The following IQCH variants were observed in gnomAD, a reference collection of about 807,000 sequenced individuals.
IQCH encodes IQ domain-containing protein H.
In IQCH, 98 loss-of-function variants were observed where a neutral mutation model predicts 117.0. The observed-to-expected ratio is 0.84, with a 90% CI of 0.71 to 0.99. The LOEUF (loss-of-function observed/expected upper bound fraction) is 0.99, where lower values mean the gene tolerates loss of function less well. Among genes scored for constraint, IQCH ranks in the 50% least tolerant of loss-of-function variants. The pLI is 0.00. For missense variants in IQCH, 1,102 were observed against 1,243.8 expected (o/e 0.89, Z 1.72); for synonymous variants, 412 against 448.2 (o/e 0.92, Z 1.02).
rs2083715402 is a variant in IQCH, at chr15:67,493,391, T to G, written c.2862-867T>G. On this transcript the variant is annotated intron_variant, in intron 19 of 20. Coordinates refer to ENST00000335894, the MANE Select transcript of IQCH (RefSeq NM_001031715.3). The surrounding 1 kb of genome is among the most constrained non-coding windows in gnomAD (Gnocchi z 5.1). ...CCACCTTATATAGGGAGCCCTATAATGCTACAGGATAGTTTGCAAGCTATC... is the reference window on the plus strand; with the variant it reads ...CCACCTTATATAGGGAGCCCTATAAGGCTACAGGATAGTTTGCAAGCTATC... 6.6e-6 allele frequency among the ~76,000 whole-genome samples: 1 copy of G among 152,192 alleles called. No individual in the cohort carries two copies. Among genetic ancestry groups the G allele is most frequent in the Non-Finnish European group, 1.5e-5 (1 of 68,024 alleles).
At chr15:67,335,120 G>A (rs895304101) in intron 4 of IQCH, among the ~76,000 whole-genome samples, 1 of 152,062 alleles carries the variant, frequency 6.6e-6, no homozygotes, top group African/African-American at 2.4e-5. Context: ...TTTCAGCATA[G>A]TTCTTCGGTC....
At chr15:67,392,080 C>T (rs945593491) in intron 12 of IQCH, among the ~76,000 whole-genome samples, 3 of 152,206 alleles carry the variant, frequency 2.0e-5, no homozygotes, top group African/African-American at 7.2e-5. Flanking sequence ...AATCCTGCCT[C>T]TGCTGTTTAC....
At chr15:67,409,878 T>A (rs1041125275) in intron 14 of IQCH, among the ~76,000 whole-genome samples, 7 of 152,260 alleles carry the variant, frequency 4.6e-5, no homozygotes, top group Non-Finnish European at 1.0e-4. Context: ...AGTTGGCATT[T>A]TTGATTTTTA....
Position 67,445,066 on chromosome 15 carries a change from A to G in IQCH, c.2506-20061A>G, listed in dbSNP as rs2082361352. 6.6e-6 allele frequency among the ~76,000 whole-genome samples: 1 copy of G among 152,178 alleles called. No individual in the cohort carries two copies. Among genetic ancestry groups the G allele is most frequent in the Non-Finnish European group, 1.5e-5 (1 of 68,034 alleles). On this transcript the variant is annotated intron_variant, in intron 16 of 20. Coordinates refer to ENST00000335894, the MANE Select transcript of IQCH (RefSeq NM_001031715.3). This position sits in a 1 kb window ranked among gnomAD's most constrained non-coding sequence, Gnocchi z 4.3. ...AATAATGAATTTGAATTATACTTGG[A>G]AAGTGGTGGCTTTGGTATGATTTTT...
intron 16 of IQCH, among the ~76,000 whole-genome samples, chr15:67,439,692 C>T (rs1051649952): frequency 2.0e-5 from 3 of 151,896 alleles, no homozygotes; most frequent in Non-Finnish European, 2.9e-5. Context: ...TTGAGACCAG[C>T]GTGACCAACA....
chr15:67,305,291 G>A (rs1381815432), intron 4 of IQCH, among the ~76,000 whole-genome samples: 1 of 151,944 alleles, frequency 6.6e-6, no homozygotes, highest in African/African-American at 2.4e-5. Flanking sequence ...TAGTCTCTTA[G>A]GTTAATCTTC....
intron 4 of IQCH, among the ~76,000 whole-genome samples, chr15:67,302,572 C>G (rs1967098273): frequency 6.6e-6 from 1 of 151,968 alleles, no homozygotes; most frequent in Non-Finnish European, 1.5e-5. Context: ...TTAAGAAATG[C>G]TATTGGTCGA....
intron 18 of IQCH, among the ~76,000 whole-genome samples, chr15:67,477,804 C>G (rs972681893): frequency 6.6e-6 from 1 of 152,176 alleles, no homozygotes. Flanking sequence ...CTGCCCTTCC[C>G]CCCACACAAA....
At chr15:67,396,955 G>GT (rs1971490881) in intron 13 of IQCH, among the ~76,000 whole-genome samples, 1 of 152,160 alleles carries the variant, frequency 6.6e-6, no homozygotes, top group Admixed American at 6.5e-5. Context: ...TCACAACCTA[G>GT]GACAGTCGCA....
intron 18 of IQCH, among the ~76,000 whole-genome samples, chr15:67,489,182 C>T (rs961919634): frequency 1.3e-4 from 20 of 148,156 alleles, no homozygotes; most frequent in Non-Finnish European, 2.5e-4. Flanking sequence ...TACAGGCGCC[C>T]GCCACCACAC....
At chr15:67,438,075 C>A (rs2082180665) in intron 16 of IQCH, among the ~76,000 whole-genome samples, 1 of 152,166 alleles carries the variant, frequency 6.6e-6, no homozygotes, top group African/African-American at 2.4e-5. Context: ...GCAAAAAGAT[C>A]TTTACCTAGG....
chr15:67,321,464 T>C lies in IQCH; in HGVS notation c.388-15511T>C, dbSNP rs548628422. On this transcript the variant is annotated intron_variant, in intron 4 of 20. Coordinates refer to ENST00000335894, the MANE Select transcript of IQCH (RefSeq NM_001031715.3). ...CTTTTCTTTCTTTCCTTCCTTTCCT[T>C]CCTTCCTTCCTTTCTTTCTTTCTTT... is the stretch of plus-strand genomic sequence containing the variant. Among the ~76,000 whole-genome samples, 84 of 141,970 alleles carry C rather than the reference T, an allele frequency of 5.9e-4. 1 individual carries two copies. The East Asian group carries it at 0.015, about 25-fold the overall frequency. 93.1% of individuals were successfully genotyped at this position (141,970 alleles called of 152,430 possible). A position where few individuals can be genotyped will look rare whatever the true frequency, so the allele number is the denominator to read the frequency against.
At chr15:67,279,068 A>T (rs1388618716) in intron 3 of IQCH, among the ~76,000 whole-genome samples, 1 of 152,212 alleles carries the variant, frequency 6.6e-6, no homozygotes, top group Non-Finnish European at 1.5e-5. Flanking sequence ...TATTAAACAA[A>T]ATACAACATT....
rs1480089089 is a variant in IQCH at position 67,490,439 on chromosome 15, C to T, written c.2861+375C>T. 3.3e-5 allele frequency among the ~76,000 whole-genome samples: 5 copies of T among 152,080 alleles called. No homozygotes were observed. Among genetic ancestry groups the T allele is most frequent in the Admixed American group, 2.0e-4 (3 of 15,272 alleles). ...CAGGATGGTCTCGATCTCTTGACCT[C>T]GTGATGCACCCACCTGGGCCTCTCA... On this transcript the variant is annotated intron_variant, in intron 19 of 20. Coordinates refer to ENST00000335894, the MANE Select transcript of IQCH (RefSeq NM_001031715.3). This position sits in a 1 kb window ranked among gnomAD's most constrained non-coding sequence, Gnocchi z 4.9.
rs2141041326 is a variant in IQCH, at chr15:67,473,362, G to C, written c.2677-2334G>C. ...GCTAGCTGGGCCAGAACTTCTCCAA[G>C]CCAGTTCTTTTTACCCCACCAATTA... On this transcript the variant is annotated intron_variant, in intron 17 of 20. Transcript: ENST00000335894. This position sits in a 1 kb window ranked among gnomAD's most constrained non-coding sequence, Gnocchi z 4.9. Among the ~76,000 whole-genome samples, 1 of 152,306 alleles carries C rather than the reference G, an allele frequency of 6.6e-6. No homozygotes were observed. Among genetic ancestry groups the C allele is most frequent in the Admixed American group, 6.5e-5 (1 of 15,302 alleles).
rs559431475 is a variant in IQCH, at chr15:67,256,626, G to A, written c.51+1679G>A. On this transcript the variant is annotated intron_variant, in intron 1 of 20. Transcript: ENST00000335894. ...CCTCTTTGGGTAAGGTTAATTCTTTGCTGCACATACCCACTCTTTTTATAG... is the reference window on the plus strand; with the variant it reads ...CCTCTTTGGGTAAGGTTAATTCTTTACTGCACATACCCACTCTTTTTATAG... 5.9e-5 allele frequency among the ~76,000 whole-genome samples: 9 copies of A among 152,250 alleles called. No individual in the cohort carries two copies. In the South Asian group the frequency reaches 1.9e-3, roughly 32 times the overall value.
intron 4 of IQCH, among the ~76,000 whole-genome samples, chr15:67,291,091 T>G (rs1474241048): frequency 2.6e-5 from 4 of 152,128 alleles, no homozygotes; most frequent in African/African-American, 9.7e-5. Flanking sequence ...GTCCAACCAC[T>G]AGGGAAGGGA....
chr15:67,490,325 C>T lies in IQCH; in HGVS notation c.2861+261C>T, dbSNP rs1044040265. Among the ~76,000 whole-genome samples, 2 of 152,146 alleles carry T rather than the reference C, an allele frequency of 1.3e-5. No homozygotes were observed. The stretch of plus-strand genomic sequence containing the variant: ...GGTTCAAGCGATTCTCCTGCCTCAG[C>T]CTCCCAAGTAGCTGGGATTACAGGT... On this transcript the variant is annotated intron_variant, in intron 19 of 20. Coordinates refer to ENST00000335894, the MANE Select transcript of IQCH (RefSeq NM_001031715.3). This position sits in a 1 kb window ranked among gnomAD's most constrained non-coding sequence, Gnocchi z 4.9.
Position 67,381,351 on chromosome 15 carries a change from C to T in IQCH, c.1373-3585C>T, listed in dbSNP as rs1451151359. On this transcript the variant is annotated intron_variant, in intron 10 of 20. Transcript: ENST00000335894. This position sits in a 1 kb window ranked among gnomAD's most constrained non-coding sequence, Gnocchi z 5.1. ...TAGTAGATGAGTAACTTCAGAGAGG[C>T]AGCTCTCAGGTAAGCTTCTTTGATG... is the stretch of plus-strand genomic sequence containing the variant. 6.6e-6 allele frequency among the ~76,000 whole-genome samples: 1 copy of T among 152,176 alleles called. No homozygotes were observed. Among genetic ancestry groups the T allele is most frequent in the Admixed American group, 6.5e-5 (1 of 15,280 alleles).
Sources: allele counts gnomAD v4.1 joint callset (sites outside exome capture counted in the v4.1 genomes callset), GRCh38; gene constraint gnomAD v4.1.1; non-coding constraint Gnocchi (gnomAD v3.1); transcripts MANE v1.5; gene names NCBI Gene and HGNC (gene_info 2026-07-23, HGNC 2026-07-21).